Variants in RNF180 observed in about 807,000 individuals in gnomAD.
RNF180 encodes E3 ubiquitin-protein ligase RNF180.
In RNF180, 38 loss-of-function variants were observed where a neutral mutation model predicts 59.2. The observed-to-expected ratio is 0.64, with a 90% confidence interval of 0.50 to 0.84. RNF180 has a LOEUF of 0.84. RNF180 is among the 40% of genes least tolerant of loss of function. The pLI, the probability that RNF180 is intolerant of heterozygous loss-of-function variation, is 0.00. For missense variants in RNF180, 705 were observed against 700.9 expected (o/e 1.01, Z -0.07); for synonymous variants, 262 against 240.3 (o/e 1.09, Z -0.84).
At position 64,168,055 on chromosome 5, in the gene RNF180, G is replaced by T. The variant is rs79434882; in HGVS notation, c.-1+2102G>T. On this transcript the variant is annotated intron_variant, in intron 1 of 7. Coordinates refer to ENST00000389100, the MANE Select transcript of RNF180 (RefSeq NM_001113561.2). ...GTCATTCCAAGTAGTCACCTCAGGA[G>T]GCTAAAAACTTATTCCAGTAGTGCT... Among the ~76,000 whole-genome samples the T allele has an allele frequency of 4.4e-3, 664 of 152,212 alleles. 5 individuals are homozygous for T. Among genetic ancestry groups the T allele is most frequent in the African/African-American group, 0.015 (631 of 41,530 alleles).
chr5:64,348,950 G>A (rs896197328), intron 7 of RNF180, among the ~76,000 whole-genome samples: 4 of 152,002 alleles, frequency 2.6e-5, no homozygotes, highest in African/African-American at 9.7e-5. Flanking sequence ...TCTAACAAGC[G>A]AGGTTCATCC....
chr5:64,233,947 A>T (rs116412141), intron 5 of RNF180, among the ~76,000 whole-genome samples: 1 of 152,172 alleles, frequency 6.6e-6, no homozygotes, highest in Non-Finnish European at 1.5e-5. Context: ...CAGAAAACTT[A>T]TCATACTACA....
At chr5:64,227,081 G>A (rs1213474398) in intron 5 of RNF180, among the ~76,000 whole-genome samples, 11 of 152,190 alleles carry the variant, frequency 7.2e-5, no homozygotes, top group Admixed American at 5.2e-4. Flanking sequence ...TCACGAGATC[G>A]TCAACCACGG....
At chr5:64,307,612 A>T (rs1469454281) in intron 5 of RNF180, among the ~76,000 whole-genome samples, 1 of 151,724 alleles carries the variant, frequency 6.6e-6, no homozygotes, top group East Asian at 1.9e-4. Context: ...TAACTTAAAA[A>T]TATCATAAGT....
chr5:64,308,769 A>G (rs540492309), intron 5 of RNF180, among the ~76,000 whole-genome samples: 2 of 151,918 alleles, frequency 1.3e-5, no homozygotes, highest in African/African-American at 2.4e-5. Context: ...ACCTTTTACT[A>G]AAGTCTTAGA....
intron 7 of RNF180, among the ~76,000 whole-genome samples, chr5:64,352,381 G>GT (rs1745851521): frequency 2.0e-5 from 3 of 151,892 alleles, no homozygotes; most frequent in Admixed American, 2.0e-4. Flanking sequence ...TTTTTGAAGG[G>GT]TTTTTTCTGT....
At chr5:64,296,119 G>C (rs1227580516) in intron 5 of RNF180, among the ~76,000 whole-genome samples, 1 of 152,152 alleles carries the variant, frequency 6.6e-6, no homozygotes, top group East Asian at 1.9e-4. Flanking sequence ...AGACAACTAT[G>C]ACAGGGACTT....
intron 7 of RNF180, among the ~76,000 whole-genome samples, chr5:64,363,373 T>C (rs1206305808): frequency 6.6e-6 from 1 of 151,902 alleles, no homozygotes; most frequent in African/African-American, 2.4e-5. Flanking sequence ...TGTTTGTTCA[T>C]GTCAGCTTTG....
intron 5 of RNF180, among the ~76,000 whole-genome samples, chr5:64,242,337 A>C (rs1742856578): frequency 2.6e-5 from 4 of 152,214 alleles, no homozygotes; most frequent in African/African-American, 9.6e-5. Flanking sequence ...ACAGAGATCA[A>C]GAACAATCAG....
At chr5:64,300,652 A>T (rs1191285578) in intron 5 of RNF180, among the ~76,000 whole-genome samples, 1 of 151,704 alleles carries the variant, frequency 6.6e-6, no homozygotes, top group Non-Finnish European at 1.5e-5. Flanking sequence ...GAATTAAGCC[A>T]TTAAGGGCCA....
rs140580151 is a variant in RNF180, at chr5:64,259,416, T to C, written c.1227+42020T>C. On this transcript the variant is annotated intron_variant, in intron 5 of 7. Coordinates refer to ENST00000389100, the MANE Select transcript of RNF180 (RefSeq NM_001113561.2). ...ACTCTGCTCTAAGCCTGTTCTGATTTAGAGAGATTTCCTTAGTCATCAGAC... is the reference window on the plus strand; with the variant it reads ...ACTCTGCTCTAAGCCTGTTCTGATTCAGAGAGATTTCCTTAGTCATCAGAC... Among the ~76,000 whole-genome samples, 11 of 152,238 alleles carry C rather than the reference T, an allele frequency of 7.2e-5. No individual in the cohort carries two copies. The East Asian group carries it at 2.1e-3, about 29-fold the overall frequency.
At chr5:64,326,638 C>G (rs140156325) in intron 6 of RNF180, among the ~76,000 whole-genome samples, 3 of 152,196 alleles carry the variant, frequency 2.0e-5, no homozygotes, top group South Asian at 4.2e-4. Context: ...GTGAATTTAT[C>G]GAACCATCCT....
intron 1 of RNF180, among the ~76,000 whole-genome samples, chr5:64,178,136 A>G (rs1425843268): frequency 6.7e-6 from 1 of 150,082 alleles, no homozygotes; most frequent in Non-Finnish European, 1.5e-5. Flanking sequence ...CCAGGGAGTC[A>G]GAGGTTGCAG....
chr5:64,300,947 G>A (rs758597943), intron 5 of RNF180, among the ~76,000 whole-genome samples: 1 of 151,460 alleles, frequency 6.6e-6, no homozygotes, highest in Non-Finnish European at 1.5e-5. Flanking sequence ...TGGTATATTT[G>A]GAAAAATTGC....
intron 6 of RNF180, among the ~76,000 whole-genome samples, chr5:64,328,859 T>C (rs1364646094): frequency 1.3e-5 from 2 of 152,184 alleles, no homozygotes. Context: ...AGGTGATCAT[T>C]GCGGGATGAA....
intron 2 of RNF180, among the ~76,000 whole-genome samples, chr5:64,204,940 C>T (rs1268383676): frequency 1.3e-5 from 2 of 152,074 alleles, no homozygotes; most frequent in African/African-American, 4.8e-5. Flanking sequence ...TGAAATGGCT[C>T]TCAGAACAAC....
At position 64,214,463 on chromosome 5, in the gene RNF180, G is replaced by A. The variant is rs768356489; in HGVS notation, c.1137G>A (p.Lys379=). ...GGCTTAATAAGAGAGAAAGGAGCAA[G>A]TTGAAGAATCTAAGAAGGAAACAAC... ...NQRLNKRERS[K]LKNLRRKQRR... Residue 379 remains lysine, a synonymous_variant, in exon 4 of 8, where the codon AAG becomes AAA. Coordinates refer to ENST00000389100, the MANE Select transcript of RNF180 (RefSeq NM_001113561.2). 1 of 1,613,922 alleles carries A rather than the reference G, an allele frequency of 6.2e-7. No homozygotes were observed. The highest frequency in any genetic ancestry group is 1.3e-5 in the African/African-American group (1 of 75,040).
intron 1 of RNF180, 129 bp from the exon 2 acceptor site, chr5:64,200,679 G>A: frequency 2.9e-6 from 2 of 701,428 alleles, no homozygotes. Context: ...CCTGATAACT[G>A]GTAGGTACCT....
intron 2 of RNF180, among the ~76,000 whole-genome samples, chr5:64,202,845 A>T (rs1278729521): frequency 6.6e-6 from 1 of 152,200 alleles, no homozygotes; most frequent in Non-Finnish European, 1.5e-5. Context: ...CATTTGCTAG[A>T]TAAGGAAACT....
Sources: allele counts gnomAD v4.1 joint callset (sites outside exome capture counted in the v4.1 genomes callset), GRCh38; gene constraint gnomAD v4.1.1; transcripts MANE v1.5; gene names NCBI Gene and HGNC (gene_info 2026-07-23, HGNC 2026-07-21).